The following TTC17 variants were observed in gnomAD, a reference collection of about 807,000 sequenced individuals.
TTC17 encodes the protein tetratricopeptide repeat domain 17, also known as tetratricopeptide repeat protein 17.
In TTC17, 58 loss-of-function variants were observed where a neutral mutation model predicts 143.8. That is an observed-to-expected ratio of 0.40 (90% CI 0.33 to 0.50). TTC17 has a LOEUF of 0.50. Ranked by LOEUF, TTC17 falls within the 20% of genes least tolerant of loss-of-function variation. TTC17 has a pLI of 0.49. For missense variants in TTC17, 1,273 were observed against 1,392.5 expected, an observed-to-expected ratio of 0.91 and a Z score of 1.37; for synonymous variants, 501 against 497.8, an observed-to-expected ratio of 1.01 and a Z score of -0.09.
intron 16 of TTC17, among the ~76,000 whole-genome samples, chr11:43,440,163 A>G (rs1486007279): frequency 6.6e-6 from 1 of 152,200 alleles, no homozygotes; most frequent in East Asian, 1.9e-4. Flanking sequence ...GCTGTATAGG[A>G]CAGTTGTGTA....
chr11:43,439,586 G>A (rs1034924803), intron 16 of TTC17, among the ~76,000 whole-genome samples: 1 of 151,296 alleles, frequency 6.6e-6, no homozygotes, highest in Non-Finnish European at 1.5e-5. Flanking sequence ...TCCTGCCTCA[G>A]CCTCCCGAGG....
chr11:43,378,423 C>G (rs1856841372), intron 1 of TTC17, among the ~76,000 whole-genome samples: 1 of 152,152 alleles, frequency 6.6e-6, no homozygotes, highest in Non-Finnish European at 1.5e-5. Flanking sequence ...ACATTTTTTC[C>G]TGTATCCCAT....
chr11:43,422,311 G>C (rs1271839369), intron 16 of TTC17, among the ~76,000 whole-genome samples: 1 of 152,062 alleles, frequency 6.6e-6, no homozygotes, highest in Non-Finnish European at 1.5e-5. Context: ...GTTTGGTTTT[G>C]GACATGTTAA....
At chr11:43,465,783 TAACTC>T (rs1414078896) in intron 21 of TTC17, among the ~76,000 whole-genome samples, 3 of 152,160 alleles carry the variant, frequency 2.0e-5, no homozygotes, top group African/African-American at 7.2e-5. Context: ...AGGCAAAAGT[TAACTC>T]AAAATGGTCC....
At chr11:43,485,617 TAATAA>T (rs1490743280) in intron 21 of TTC17, among the ~76,000 whole-genome samples, 1 of 152,126 alleles carries the variant, frequency 6.6e-6, no homozygotes, top group African/African-American at 2.4e-5. Context: ...TGATGAAAAG[TAATAA>T]AATAGAAAAA....
intron 1 of TTC17, among the ~76,000 whole-genome samples, chr11:43,372,583 C>T (rs939335996): frequency 1.3e-5 from 2 of 150,990 alleles, no homozygotes; most frequent in African/African-American, 2.4e-5. Flanking sequence ...CTCCACCTCC[C>T]GGATTCAAGC....
intron 8 of TTC17, among the ~76,000 whole-genome samples, chr11:43,399,535 G>A (rs1014116970): frequency 6.6e-6 from 1 of 152,040 alleles, no homozygotes; most frequent in Non-Finnish European, 1.5e-5. Flanking sequence ...AGGCATGGTG[G>A]CGTGTGCCTG....
intron 16 of TTC17, among the ~76,000 whole-genome samples, chr11:43,430,742 C>CAT: frequency 6.7e-6 from 1 of 148,952 alleles, no homozygotes. Context: ...CACACACACA[C>CAT]ACACACAAAG....
chr11:43,396,988 A>C, intron 6 of TTC17, 170 bp downstream of exon 6: 2 of 481,058 alleles, frequency 4.2e-6, no homozygotes, highest in Non-Finnish European at 7.2e-6. Flanking sequence ...AGATCTCAAA[A>C]AGTTCAAAGT....
chr11:43,373,847 C>T (rs1193239797), intron 1 of TTC17, among the ~76,000 whole-genome samples: 2 of 152,128 alleles, frequency 1.3e-5, no homozygotes, highest in Admixed American at 6.6e-5. Flanking sequence ...CATTTGCTTG[C>T]GTCCCTTCAG....
chr11:43,464,998 G>T (rs1286892363), intron 21 of TTC17, among the ~76,000 whole-genome samples: 2 of 152,236 alleles, frequency 1.3e-5, no homozygotes, highest in African/African-American at 2.4e-5. Context: ...TAGTATTAGA[G>T]TTCAAGACCC....
chr11:43,360,432 T>C (rs1232846549), intron 1 of TTC17, among the ~76,000 whole-genome samples: 1 of 152,240 alleles, frequency 6.6e-6, no homozygotes, highest in African/African-American at 2.4e-5. Flanking sequence ...TGCTGGTTGC[T>C]TCCACCCTTC....
At chr11:43,446,428 C>A in intron 18 of TTC17, 2 of 230,348 alleles carry the variant, frequency 8.7e-6, no homozygotes, top group Non-Finnish European at 1.4e-5. Context: ...CAAGAGCAGG[C>A]CGTCTTAATT....
chr11:43,450,313 G>T (rs1226628168), intron 20 of TTC17, 72 bp downstream of exon 20: 13 of 1,473,052 alleles, frequency 8.8e-6, no homozygotes, highest in Non-Finnish European at 1.1e-5. Context: ...TACATAGAAA[G>T]CCCAGGTGAC....
intron 21 of TTC17, among the ~76,000 whole-genome samples, chr11:43,473,097 C>G (rs140804112): frequency 6.6e-6 from 1 of 151,586 alleles, no homozygotes; most frequent in Non-Finnish European, 1.5e-5. Context: ...ATTGCTTGAA[C>G]CTGGGAAGCA....
At chr11:43,471,647 T>G (rs903352786) in intron 21 of TTC17, among the ~76,000 whole-genome samples, 3 of 152,236 alleles carry the variant, frequency 2.0e-5, no homozygotes, top group Non-Finnish European at 2.9e-5. Flanking sequence ...AAGGTTAACA[T>G]GAGATCAACT....
At position 43,459,380 on chromosome 11, in the gene TTC17, G is replaced by A. The variant is rs1035576954; in HGVS notation, c.3030+8115G>A. ...AGTTCTTGACTTTTTTCTTTGAGCT[G>A]TCTTTCCTTTTCCATGAGAAATGTC... On this transcript the variant is annotated intron_variant, in intron 21 of 23. Transcript: ENST00000039989. Among the ~76,000 whole-genome samples the A allele has an allele frequency of 2.0e-5, 3 of 152,156 alleles. No homozygotes were observed. In the East Asian group the frequency reaches 5.8e-4, roughly 29 times the overall value.
chr11:43,471,278 G>T (rs544423461), intron 21 of TTC17, among the ~76,000 whole-genome samples: 117 of 152,222 alleles, frequency 7.7e-4, no homozygotes, highest in African/African-American at 2.7e-3. Context: ...CCCTACTTTT[G>T]TCCCCCACTT....
At chr11:43,372,379 TG>T in intron 1 of TTC17, among the ~76,000 whole-genome samples, 1 of 151,948 alleles carries the variant, frequency 6.6e-6, no homozygotes, top group South Asian at 2.1e-4. Context: ...CTCCTTTCAC[TG>T]CAACTTCCAC....
Sources: allele counts gnomAD v4.1 joint callset (sites outside exome capture counted in the v4.1 genomes callset), GRCh38; gene constraint gnomAD v4.1.1; transcripts MANE v1.5; gene names NCBI Gene and HGNC (gene_info 2026-07-23, HGNC 2026-07-21).